CLSTN2: variants seen among roughly 807,000 people sequenced by gnomAD.
The protein encoded by CLSTN2 is calsyntenin 2.
CLSTN2 carries 48 observed loss-of-function variants against 101.2 expected under a neutral mutation model. That is an observed-to-expected ratio of 0.47 (90% CI 0.38 to 0.60). The LOEUF is 0.60. Among genes scored for constraint, CLSTN2 ranks in the 20% least tolerant of loss-of-function variants. CLSTN2 has a pLI of 0.00. For missense variants in CLSTN2, 1,160 were observed against 1,238.2 expected (o/e 0.94, Z 0.95); for synonymous variants, 481 against 463.6 (o/e 1.04, Z -0.48).
intron 2 of CLSTN2, among the ~76,000 whole-genome samples, chr3:140,263,537 G>A (rs1335240829): frequency 1.3e-5 from 2 of 152,172 alleles, no homozygotes; most frequent in Non-Finnish European, 2.9e-5. Context: ...AGCTTCATCT[G>A]TGAAAAACAG....
chr3:140,078,513 A>T (rs1276232219), intron 1 of CLSTN2, among the ~76,000 whole-genome samples: 1 of 152,204 alleles, frequency 6.6e-6, no homozygotes, highest in Non-Finnish European at 1.5e-5. Flanking sequence ...GCTCCATGTA[A>T]TGAGTGTATG....
chr3:140,129,766 G>C (rs762790073), intron 1 of CLSTN2, among the ~76,000 whole-genome samples: 1 of 152,180 alleles, frequency 6.6e-6, no homozygotes, highest in Non-Finnish European at 1.5e-5. Context: ...GCTGGGCCTG[G>C]TGTGTTGAAG....
At chr3:140,297,183 C>A (rs1160398982) in intron 2 of CLSTN2, among the ~76,000 whole-genome samples, 1 of 152,152 alleles carries the variant, frequency 6.6e-6, no homozygotes, top group Admixed American at 6.5e-5. Flanking sequence ...GTATTTTAAG[C>A]CAGTTTGGTG....
In CLSTN2 at chr3:140,516,841, G is replaced by T. The variant is rs150610571; in HGVS notation, c.1345-15483G>T. Reference sequence around the variant, plus strand: ...GATCTTTTTGTGATAAATTTCCAAGGTGTTCTTTGAGCTTTTTGTATTTGG... The same window carrying T: ...GATCTTTTTGTGATAAATTTCCAAGTTGTTCTTTGAGCTTTTTGTATTTGG... On this transcript the variant is annotated intron_variant, in intron 8 of 16. Transcript: ENST00000458420. 2.0e-4 allele frequency among the ~76,000 whole-genome samples: 31 copies of T among 152,204 alleles called. No homozygotes were observed. In the East Asian group the frequency reaches 5.2e-3, roughly 26 times the overall value.
chr3:140,121,935 CA>C (rs1288241071), intron 1 of CLSTN2, among the ~76,000 whole-genome samples: 2 of 152,104 alleles, frequency 1.3e-5, no homozygotes, highest in Non-Finnish European at 2.9e-5. Flanking sequence ...CTGAGAAAAC[CA>C]ATTCTCATTA....
intron 1 of CLSTN2, among the ~76,000 whole-genome samples, chr3:140,036,684 C>T (rs1337128581): frequency 4.0e-5 from 6 of 151,880 alleles, no homozygotes; most frequent in Non-Finnish European, 8.8e-5. Flanking sequence ...ATGTCCCACC[C>T]ATCCCTGTTG....
At chr3:140,391,212 T>A (rs1484864317) in intron 2 of CLSTN2, among the ~76,000 whole-genome samples, 1 of 152,208 alleles carries the variant, frequency 6.6e-6, no homozygotes, top group Admixed American at 6.5e-5. Flanking sequence ...TATCAAAGTT[T>A]TAGCCTCCAC....
intron 2 of CLSTN2, among the ~76,000 whole-genome samples, chr3:140,350,160 A>G (rs188384120): frequency 1.3e-5 from 2 of 152,342 alleles, no homozygotes; most frequent in African/African-American, 2.4e-5. Context: ...GTGGGGGTGG[A>G]CAGGAAGAAA....
chr3:139,955,112 C>A (rs868458720), intron 1 of CLSTN2, among the ~76,000 whole-genome samples: 52 of 71,524 alleles, frequency 7.3e-4, no homozygotes, highest in Middle Eastern at 0.011. Context: ...GGCAATATTG[C>A]TATATATATA....
At chr3:140,395,096 A>T (rs1262566820) in intron 2 of CLSTN2, among the ~76,000 whole-genome samples, 1 of 152,248 alleles carries the variant, frequency 6.6e-6, no homozygotes, top group Non-Finnish European at 1.5e-5. Context: ...TTTGCTTTTC[A>T]GAAACATAAT....
At chr3:140,027,957 C>A (rs916732849) in intron 1 of CLSTN2, among the ~76,000 whole-genome samples, 1 of 152,202 alleles carries the variant, frequency 6.6e-6, no homozygotes, top group Admixed American at 6.5e-5. Context: ...CCTCTCTGAG[C>A]AGTGGCTTCT....
intron 2 of CLSTN2, among the ~76,000 whole-genome samples, chr3:140,207,214 C>T (rs1239930424): frequency 6.6e-6 from 1 of 152,076 alleles, no homozygotes; most frequent in East Asian, 1.9e-4. Context: ...GAGAGTAGGC[C>T]CATGAAGTCG....
intron 2 of CLSTN2, among the ~76,000 whole-genome samples, chr3:140,256,815 C>T (rs749165987): frequency 7.2e-5 from 11 of 152,226 alleles, no homozygotes; most frequent in East Asian, 3.9e-4. Context: ...CATTGCATAA[C>T]GTTTATAATG....
At position 140,575,833 on chromosome 3, in the gene CLSTN2, T is replaced by G. The variant is rs374733618; in HGVS notation, c.*9580T>G. On this transcript the variant is annotated 3_prime_UTR_variant, in exon 17 of 17. Coordinates refer to ENST00000458420, the MANE Select transcript of CLSTN2 (RefSeq NM_022131.3). ...GTGTGTATATGTGTGCATATATGTG[T>G]ACATATACACATACCCCAAAGCCAT... The G allele has an allele frequency of 1.3e-5, 2 of 152,172 alleles. No homozygotes were observed. Among genetic ancestry groups the G allele is most frequent in the East Asian group, 3.9e-4 (2 of 5,192 alleles). 9.4% of individuals were successfully genotyped at this position (152,172 alleles called of 1,614,324 possible).
chr3:140,328,794 CT>C (rs1037559445), intron 2 of CLSTN2, among the ~76,000 whole-genome samples: 2 of 152,154 alleles, frequency 1.3e-5, no homozygotes, highest in Admixed American at 1.3e-4. Flanking sequence ...AGTAGCAGTA[CT>C]TTTCTCAGAT....
intron 2 of CLSTN2, among the ~76,000 whole-genome samples, chr3:140,250,007 C>A (rs928848506): frequency 6.6e-6 from 1 of 152,244 alleles, no homozygotes; most frequent in African/African-American, 2.4e-5. Context: ...GGATGCCAGG[C>A]AAGTCATTTC....
intron 1 of CLSTN2, among the ~76,000 whole-genome samples, chr3:140,041,128 A>C (rs1177704996): frequency 6.6e-6 from 1 of 152,198 alleles, no homozygotes; most frequent in East Asian, 1.9e-4. Context: ...TCCGGAGAGC[A>C]GTGGGAACAC....
chr3:140,136,874 A>G (rs1240389969), intron 1 of CLSTN2, among the ~76,000 whole-genome samples: 2 of 152,168 alleles, frequency 1.3e-5, no homozygotes, highest in Non-Finnish European at 2.9e-5. Context: ...CTCAGGTATG[A>G]CTGTGGAGAA....
intron 1 of CLSTN2, among the ~76,000 whole-genome samples, chr3:140,173,958 T>C (rs2010282634): frequency 6.6e-6 from 1 of 152,218 alleles, no homozygotes; most frequent in Admixed American, 6.5e-5. Flanking sequence ...CATTTTCCCA[T>C]TGTCTTGGGG....
Sources: allele counts gnomAD v4.1 joint callset (sites outside exome capture counted in the v4.1 genomes callset), GRCh38; gene constraint gnomAD v4.1.1; transcripts MANE v1.5; gene names NCBI Gene and HGNC (gene_info 2026-07-23, HGNC 2026-07-21).